The following KLF12 variants were observed in gnomAD, a reference collection of about 807,000 sequenced individuals.
KLF12 encodes KLF transcription factor 12.
In KLF12, 9 loss-of-function variants were observed where a neutral mutation model predicts 37.8. That is an observed-to-expected ratio of 0.24 (90% CI 0.14 to 0.42). KLF12 has a LOEUF of 0.42. Among genes scored for constraint, KLF12 ranks in the 10% least tolerant of loss-of-function variants. The probability of loss-of-function intolerance (pLI) is 1.00; values close to 1 mark genes in which losing one functional copy is unlikely to be tolerated. For missense variants in KLF12, 411 were observed against 516.0 expected, an observed-to-expected ratio of 0.80 and a Z score of 1.97; for synonymous variants, 208 against 202.1, an observed-to-expected ratio of 1.03 and a Z score of -0.25.
At chr13:73,760,125 T>C (rs898360273) in intron 6 of KLF12, among the ~76,000 whole-genome samples, 8 of 152,076 alleles carry the variant, frequency 5.3e-5, no homozygotes, top group Admixed American at 3.3e-4. Flanking sequence ...CACACCCAAA[T>C]GTGAAAAATG....
At chr13:73,966,353 G>T (rs1215562955) in intron 2 of KLF12, among the ~76,000 whole-genome samples, 5 of 151,772 alleles carry the variant, frequency 3.3e-5, no homozygotes, top group African/African-American at 9.7e-5. Flanking sequence ...AGTCTATAAT[G>T]AACATGAATA....
At chr13:73,722,924 G>T (rs1876377929) in intron 6 of KLF12, among the ~76,000 whole-genome samples, 1 of 152,128 alleles carries the variant, frequency 6.6e-6, no homozygotes, top group African/African-American at 2.4e-5. Flanking sequence ...CCTGGGGATG[G>T]ATTCACAGTA....
the KLF12 span, among the ~76,000 whole-genome samples, chr13:74,290,984 G>A: frequency 1.3e-5 from 2 of 152,168 alleles, no homozygotes; most frequent in African/African-American, 4.8e-5. Flanking sequence ...TGTCCCACTG[G>A]CCTAACTGAA....
intron 3 of KLF12, among the ~76,000 whole-genome samples, chr13:73,890,950 T>C (rs922796157): frequency 6.6e-6 from 1 of 152,068 alleles, no homozygotes; most frequent in Non-Finnish European, 1.5e-5. Flanking sequence ...AAAAGACAAA[T>C]TGATCTTCAA....
rs200117619 is a variant in KLF12 at position 74,108,206 on chromosome 13, CAAT to C, written c.-32+25530_-32+25532del. Reference sequence around the variant, plus strand: ...TATATGACTATGTTCTCTGCAATAGCAATAATAATAATAATAATTTGTCTAAAT... The same window carrying C: ...TATATGACTATGTTCTCTGCAATAGCAATAATAATAATAATTTGTCTAAAT... On this transcript the variant is annotated intron_variant, in intron 1 of 7. Coordinates refer to ENST00000377669, the MANE Select transcript of KLF12 (RefSeq NM_007249.5). 2.0e-4 allele frequency among the ~76,000 whole-genome samples: 30 copies of C among 151,576 alleles called. 2 individuals are homozygous for C. The East Asian group carries it at 3.7e-3, about 19-fold the overall frequency.
At chr13:74,132,375 A>C (rs1056128866) in intron 1 of KLF12, among the ~76,000 whole-genome samples, 2 of 152,214 alleles carry the variant, frequency 1.3e-5, no homozygotes, top group Non-Finnish European at 2.9e-5. Context: ...TGTCTACCGA[A>C]GTCACTAGAT....
chr13:74,177,094 C>A, the KLF12 span, among the ~76,000 whole-genome samples: 2 of 152,128 alleles, frequency 1.3e-5, no homozygotes, highest in Admixed American at 1.3e-4. Flanking sequence ...CTACCGGAAA[C>A]CTAATTTATC....
chr13:73,967,852 T>A (rs568419655), intron 2 of KLF12, among the ~76,000 whole-genome samples: 1 of 152,254 alleles, frequency 6.6e-6, no homozygotes, highest in East Asian at 1.9e-4. Context: ...ATTATGAGCA[T>A]CAGTGACGAT....
intron 6 of KLF12, among the ~76,000 whole-genome samples, chr13:73,761,843 C>A (rs1273111352): frequency 6.6e-6 from 1 of 152,108 alleles, no homozygotes; most frequent in Admixed American, 6.6e-5. Flanking sequence ...ATGCTCACTT[C>A]CATTTAGGGA....
chr13:73,801,543 G>A (rs528636376), intron 5 of KLF12: 1 of 152,106 alleles, frequency 6.6e-6, no homozygotes, highest in South Asian at 2.1e-4. Context: ...ACACTCACTA[G>A]TTACACCCAT....
chr13:74,072,404 TATAA>T (rs1413699188), intron 1 of KLF12, among the ~76,000 whole-genome samples: 3 of 118,044 alleles, frequency 2.5e-5, no homozygotes, highest in African/African-American at 6.1e-5. Flanking sequence ...TATATATATA[TATAA>T]AAGATTATCT....
intron 1 of KLF12, among the ~76,000 whole-genome samples, chr13:74,064,566 T>C (rs963656529): frequency 6.6e-6 from 1 of 152,214 alleles, no homozygotes; most frequent in Non-Finnish European, 1.5e-5. Flanking sequence ...ATTTTGGACA[T>C]AGTCCAGAGA....
chr13:73,937,234 T>C (rs1244938994), intron 3 of KLF12, among the ~76,000 whole-genome samples: 2 of 152,090 alleles, frequency 1.3e-5, no homozygotes, highest in African/African-American at 4.8e-5. Flanking sequence ...GTGATGCACT[T>C]TATAAACTCT....
intron 6 of KLF12, among the ~76,000 whole-genome samples, chr13:73,726,353 T>C (rs1023220338): frequency 3.3e-5 from 5 of 152,334 alleles, no homozygotes; most frequent in Admixed American, 2.6e-4. Flanking sequence ...TTCAGTACAC[T>C]CATATTGTTA....
At chr13:74,168,240 C>G in the KLF12 span, among the ~76,000 whole-genome samples, 2 of 152,166 alleles carry the variant, frequency 1.3e-5, no homozygotes, top group East Asian at 1.9e-4. Context: ...ATTCTTTGCC[C>G]GTCTTCTCAC....
chr13:73,882,839 C>A (rs1887044559), intron 3 of KLF12, among the ~76,000 whole-genome samples: 1 of 152,058 alleles, frequency 6.6e-6, no homozygotes, highest in South Asian at 2.1e-4. Context: ...TATTTTAAAG[C>A]AAATTATGGA....
chr13:73,756,853 C>T (rs2138018115), intron 6 of KLF12, among the ~76,000 whole-genome samples: 2 of 152,224 alleles, frequency 1.3e-5, no homozygotes, highest in East Asian at 3.9e-4. Context: ...CAGGCCTGTA[C>T]CTGCTGATTA....
chr13:74,000,510 C>T (rs111522881), intron 1 of KLF12, among the ~76,000 whole-genome samples: 1,755 of 152,230 alleles, frequency 0.012, 21 homozygotes, highest in Middle Eastern at 0.017. Context: ...TAAAACTGTC[C>T]CCCATTTCCA....
chr13:73,914,530 A>C (rs1888724734), intron 3 of KLF12, among the ~76,000 whole-genome samples: 1 of 152,226 alleles, frequency 6.6e-6, no homozygotes, highest in South Asian at 2.1e-4. Context: ...GTTACAGAAA[A>C]AAACAAATTC....
Sources: allele counts gnomAD v4.1 joint callset (sites outside exome capture counted in the v4.1 genomes callset), GRCh38; gene constraint gnomAD v4.1.1; transcripts MANE v1.5; gene names NCBI Gene and HGNC (gene_info 2026-07-23, HGNC 2026-07-21).